The following GPC5 variants were observed in gnomAD, a reference collection of about 807,000 sequenced individuals.
The protein encoded by GPC5 is glypican 5.
In GPC5, 47 loss-of-function variants were observed where a neutral mutation model predicts 53.9. The ratio of observed to expected loss-of-function variants is 0.87; its 90% CI spans 0.69 to 1.11. The LOEUF is 1.11. GPC5 is among the 50% of genes most tolerant of loss of function. GPC5 has a pLI of 0.00. For synonymous variants in GPC5, 286 were observed against 263.3 expected, an observed-to-expected ratio of 1.09 and a Z score of -0.84; for missense variants, 748 against 713.1, an observed-to-expected ratio of 1.05 and a Z score of -0.56.
intron 2 of GPC5, among the ~76,000 whole-genome samples, chr13:91,542,166 G>A (rs1242272722): frequency 6.6e-6 from 1 of 151,878 alleles, no homozygotes; most frequent in Non-Finnish European, 1.5e-5. Context: ...ATGAAATTGG[G>A]TTTTATTCTC....
At chr13:92,656,409 G>A (rs916754832) in intron 7 of GPC5, among the ~76,000 whole-genome samples, 3 of 152,144 alleles carry the variant, frequency 2.0e-5, no homozygotes, top group East Asian at 1.9e-4. Flanking sequence ...AAAGGGAGGA[G>A]GGAAAGGCGG....
chr13:91,705,405 G>C (rs2036077309), intron 3 of GPC5, among the ~76,000 whole-genome samples: 2 of 152,144 alleles, frequency 1.3e-5, no homozygotes, highest in Non-Finnish European at 2.9e-5. Context: ...TTTGTTGAAA[G>C]ATTACCCAAG....
chr13:91,761,460 G>T (rs146289096), intron 5 of GPC5, among the ~76,000 whole-genome samples: 1 of 152,170 alleles, frequency 6.6e-6, no homozygotes, highest in East Asian at 1.9e-4. Flanking sequence ...CAGGCTGGGA[G>T]CTCAGTCCCC....
At chr13:92,052,979 G>A (rs2041042882) in intron 6 of GPC5, among the ~76,000 whole-genome samples, 2 of 152,190 alleles carry the variant, frequency 1.3e-5, no homozygotes, top group African/African-American at 4.8e-5. Flanking sequence ...AGGTCTGGAA[G>A]AGGAAACAGA....
At chr13:92,312,118 G>T (rs1252545970) in intron 7 of GPC5, among the ~76,000 whole-genome samples, 1 of 152,148 alleles carries the variant, frequency 6.6e-6, no homozygotes, top group East Asian at 1.9e-4. Flanking sequence ...GAGGAGATAA[G>T]ATTTACTTTC....
intron 7 of GPC5, among the ~76,000 whole-genome samples, chr13:92,302,192 T>A (rs1259267596): frequency 6.6e-6 from 1 of 152,146 alleles, no homozygotes; most frequent in African/African-American, 2.4e-5. Flanking sequence ...TTGATTCTGG[T>A]TTTTTGCACT....
intron 2 of GPC5, among the ~76,000 whole-genome samples, chr13:91,587,305 C>A (rs2032634403): frequency 6.6e-6 from 1 of 152,112 alleles, no homozygotes; most frequent in African/African-American, 2.4e-5. Flanking sequence ...TCGAAGATTA[C>A]TGTTTTTTAA....
intron 7 of GPC5, among the ~76,000 whole-genome samples, chr13:92,287,498 T>G (rs1396481404): frequency 6.6e-6 from 1 of 152,190 alleles, no homozygotes; most frequent in Non-Finnish European, 1.5e-5. Context: ...TCTTTAATTA[T>G]GTCAAAGTGT....
chr13:91,976,891 T>C (rs1438861468), intron 6 of GPC5, among the ~76,000 whole-genome samples: 1 of 151,736 alleles, frequency 6.6e-6, no homozygotes, highest in Non-Finnish European at 1.5e-5. Context: ...AACACAAAAA[T>C]TAGCTCGCAT....
intron 5 of GPC5, among the ~76,000 whole-genome samples, chr13:91,786,276 T>C (rs2037877709): frequency 6.6e-6 from 1 of 152,134 alleles, no homozygotes; most frequent in African/African-American, 2.4e-5. Context: ...ATTACAGGCG[T>C]GAGCCACCAC....
chr13:92,140,661 C>G (rs9556151), intron 6 of GPC5, among the ~76,000 whole-genome samples: 43,410 of 152,004 alleles, frequency 0.29, 6,256 homozygotes, highest in East Asian at 0.41. Flanking sequence ...TAAAGAATCA[C>G]AGAGAGCAGT....
chr13:92,403,953 G>A (rs1430735692), intron 7 of GPC5, among the ~76,000 whole-genome samples: 1 of 151,840 alleles, frequency 6.6e-6, no homozygotes, highest in Non-Finnish European at 1.5e-5. Context: ...AAAAATAAAA[G>A]GTATTTGAAA....
At chr13:91,748,024 G>C (rs1374416780) in intron 4 of GPC5, among the ~76,000 whole-genome samples, 1 of 152,106 alleles carries the variant, frequency 6.6e-6, no homozygotes, top group South Asian at 2.1e-4. Context: ...TTCTCATCCC[G>C]GACCAATAAA....
At chr13:92,613,386 T>TA (rs1566320327) in intron 7 of GPC5, among the ~76,000 whole-genome samples, 1 of 70,706 alleles carries the variant, frequency 1.4e-5, no homozygotes, top group African/African-American at 4.5e-5. Context: ...TATATTATAT[T>TA]ATATATAAAT....
intron 7 of GPC5, among the ~76,000 whole-genome samples, chr13:92,368,855 G>A (rs1255960792): frequency 6.6e-6 from 1 of 152,084 alleles, no homozygotes; most frequent in Non-Finnish European, 1.5e-5. Flanking sequence ...ATGCATTTTT[G>A]TAGGAAGAAT....
At chr13:92,546,202 AT>A (rs1882103731) in intron 7 of GPC5, among the ~76,000 whole-genome samples, 1 of 152,198 alleles carries the variant, frequency 6.6e-6, no homozygotes, top group African/African-American at 2.4e-5. Context: ...AGGGTATTCA[AT>A]TTGGAAAAGA....
chr13:91,530,970 G>T (rs1187554490), intron 2 of GPC5, among the ~76,000 whole-genome samples: 2 of 152,132 alleles, frequency 1.3e-5, no homozygotes, highest in East Asian at 1.9e-4. Context: ...CAGAGATTCT[G>T]GTTTGGTAGA....
intron 7 of GPC5, among the ~76,000 whole-genome samples, chr13:92,707,106 A>T (rs1386594470): frequency 6.8e-6 from 1 of 146,854 alleles, no homozygotes; most frequent in East Asian, 1.9e-4. Context: ...GAACTATATG[A>T]CATACATGGC....
chr13:92,255,861 TCA>T (rs930755190), intron 7 of GPC5, among the ~76,000 whole-genome samples: 1 of 152,160 alleles, frequency 6.6e-6, no homozygotes, highest in Non-Finnish European at 1.5e-5. Flanking sequence ...CCAAGGATTT[TCA>T]CAGACTTGCT....
Sources: gnomAD v4.1 joint callset for allele counts (sites outside exome capture counted in the v4.1 genomes callset) on GRCh38, gnomAD v4.1.1 for gene constraint, MANE v1.5 for transcripts, NCBI Gene and HGNC (gene_info 2026-07-23, HGNC 2026-07-21) for gene names.